CRB1: variants seen among roughly 807,000 people sequenced by gnomAD.
CRB1 encodes the protein protein crumbs homolog 1.
In CRB1, 83 loss-of-function variants were observed where a neutral mutation model predicts 120.0. The observed-to-expected ratio is 0.69, with a 90% CI of 0.58 to 0.83. The LOEUF (loss-of-function observed/expected upper bound fraction) is 0.83. Ranked by LOEUF, CRB1 falls within the 40% of genes least tolerant of loss-of-function variation. The pLI, the probability that CRB1 is intolerant of heterozygous loss-of-function variation, is 0.00. For synonymous variants in CRB1, 625 were observed against 612.5 expected, an observed-to-expected ratio of 1.02 and a Z score of -0.30; for missense variants, 1,699 against 1,687.6, an observed-to-expected ratio of 1.01 and a Z score of -0.12.
intron 5 of CRB1, among the ~76,000 whole-genome samples, chr1:197,376,084 C>T (rs568463006): frequency 6.6e-6 from 1 of 152,138 alleles, no homozygotes; most frequent in Non-Finnish European, 1.5e-5. Context: ...CATCTGCCCC[C>T]TTTTCTTCTT....
intron 5 of CRB1, among the ~76,000 whole-genome samples, chr1:197,367,118 C>T (rs948788922): frequency 6.6e-6 from 1 of 152,146 alleles, no homozygotes; most frequent in Non-Finnish European, 1.5e-5. Flanking sequence ...TTGAATAATA[C>T]TATTCAGTCC....
chr1:197,227,371 G>T, the CRB1 span, among the ~76,000 whole-genome samples: 1 of 151,290 alleles, frequency 6.6e-6, no homozygotes, highest in African/African-American at 2.4e-5. Flanking sequence ...CAGAAGGGTA[G>T]TCAAATTCTT....
intron 5 of CRB1, among the ~76,000 whole-genome samples, chr1:197,401,579 T>C (rs1663066063): frequency 2.0e-5 from 3 of 152,204 alleles, no homozygotes. Flanking sequence ...GTATTTTGTG[T>C]CTTCTGTTTT....
chr1:197,332,518 G>A (rs1036813518), intron 2 of CRB1, among the ~76,000 whole-genome samples: 7 of 152,064 alleles, frequency 4.6e-5, no homozygotes, highest in African/African-American at 1.7e-4. Context: ...ATAAAAATCG[G>A]GTCTATTATT....
At chr1:197,367,268 G>C (rs1661126066) in intron 5 of CRB1, among the ~76,000 whole-genome samples, 1 of 152,172 alleles carries the variant, frequency 6.6e-6, no homozygotes, top group Admixed American at 6.5e-5. Context: ...AAAATGATGA[G>C]AGTACATGGT....
chr1:197,457,029 A>T (rs889107537), intron 11 of CRB1, among the ~76,000 whole-genome samples: 2 of 152,146 alleles, frequency 1.3e-5, no homozygotes, highest in Non-Finnish European at 2.9e-5. Flanking sequence ...TTGAAAAGAC[A>T]TTTTAAAGAA....
At position 197,328,413 on chromosome 1, in the gene CRB1, TCC is replaced by T. The variant is rs1571847513; in HGVS notation, c.71-8_71-7del. 1 of 1,599,780 alleles carries T rather than the reference TCC, an allele frequency of 6.3e-7. No homozygotes were observed. Among genetic ancestry groups the T allele is most frequent in the Non-Finnish European group, 8.6e-7 (1 of 1,167,314 alleles). On this transcript the variant is annotated splice_polypyrimidine_tract_variant and splice_region_variant and intron_variant, in intron 1 of 11. Transcript: ENST00000367400. ...AAATTTAATCTTGTTACTTTTTATT[TCC>T]TTGTAGATTCCTTTTGCAATAAAAA...
At chr1:197,368,690 G>C (rs1661208917) in intron 5 of CRB1, among the ~76,000 whole-genome samples, 1 of 152,186 alleles carries the variant, frequency 6.6e-6, no homozygotes, top group Admixed American at 6.5e-5. Flanking sequence ...CTTGGCTGCT[G>C]TCTCAGGTTG....
At chr1:197,203,335 T>C in the CRB1 span, among the ~76,000 whole-genome samples, 3 of 152,204 alleles carry the variant, frequency 2.0e-5, no homozygotes, top group East Asian at 5.8e-4. Context: ...TTTTTTTCTT[T>C]TTTTGAGACA....
At chr1:197,363,007 A>G (rs1372669488) in intron 5 of CRB1, among the ~76,000 whole-genome samples, 1 of 152,004 alleles carries the variant, frequency 6.6e-6, no homozygotes, top group Non-Finnish European at 1.5e-5. Flanking sequence ...TGATTTCTGT[A>G]TAGTGTTTTT....
At chr1:197,356,451 T>C (rs1660485115) in intron 4 of CRB1, among the ~76,000 whole-genome samples, 1 of 152,210 alleles carries the variant, frequency 6.6e-6, no homozygotes. Flanking sequence ...TTTAGTTTGG[T>C]TTTGTGGATA....
chr1:197,406,584 TA>T (rs1396297770), intron 5 of CRB1, among the ~76,000 whole-genome samples: 1 of 151,978 alleles, frequency 6.6e-6, no homozygotes, highest in East Asian at 1.9e-4. Flanking sequence ...AAAAAATAAA[TA>T]AATAAAAAAT....
the CRB1 span, among the ~76,000 whole-genome samples, chr1:197,249,713 C>A: frequency 6.6e-6 from 1 of 151,806 alleles, no homozygotes; most frequent in East Asian, 1.9e-4. Context: ...GGCAAGATGA[C>A]TAAATCAGAC....
intron 1 of CRB1, among the ~76,000 whole-genome samples, chr1:197,309,183 G>A (rs902375118): frequency 2.0e-5 from 3 of 151,510 alleles, no homozygotes; most frequent in African/African-American, 7.3e-5. Flanking sequence ...ATTCACAATT[G>A]CACAAGAGAT....
the CRB1 span, among the ~76,000 whole-genome samples, chr1:197,207,361 G>T: frequency 6.6e-6 from 1 of 151,894 alleles, no homozygotes; most frequent in Non-Finnish European, 1.5e-5. Context: ...GTATTTTGAG[G>T]ATTTGTTCCA....
At chr1:197,338,789 G>A (rs550149829) in intron 2 of CRB1, among the ~76,000 whole-genome samples, 3 of 151,980 alleles carry the variant, frequency 2.0e-5, no homozygotes, top group South Asian at 2.1e-4. Context: ...TAATGACAAA[G>A]CATTAATAAT....
At chr1:197,457,781 A>G (rs1185829122) in intron 11 of CRB1, among the ~76,000 whole-genome samples, 2 of 152,114 alleles carry the variant, frequency 1.3e-5, no homozygotes, top group South Asian at 2.1e-4. Flanking sequence ...TCTCCTTGAC[A>G]TGTTTTTTTG....
chr1:197,335,740 C>T (rs982531501), intron 2 of CRB1, among the ~76,000 whole-genome samples: 5 of 152,120 alleles, frequency 3.3e-5, no homozygotes, highest in Admixed American at 6.6e-5. Flanking sequence ...GCCTGTGATC[C>T]GCCGCCTAGG....
chr1:197,462,412 C>T (rs1258115037), intron 11 of CRB1, among the ~76,000 whole-genome samples: 1 of 152,088 alleles, frequency 6.6e-6, no homozygotes, highest in Non-Finnish European at 1.5e-5. Context: ...GGTTTTGAAA[C>T]TTAGTGTCTC....
Sources: allele counts gnomAD v4.1 joint callset (sites outside exome capture counted in the v4.1 genomes callset), GRCh38; gene constraint gnomAD v4.1.1; transcripts MANE v1.5; gene names NCBI Gene and HGNC (gene_info 2026-07-23, HGNC 2026-07-21).